Variants in SLC7A6 observed in about 807,000 individuals in gnomAD.
SLC7A6 encodes solute carrier family 7 member 6.
Under a neutral mutation model 46.6 loss-of-function variants are expected in SLC7A6, and 29 were observed. That is an observed-to-expected ratio of 0.62 (90% CI 0.46 to 0.85). The LOEUF (loss-of-function observed/expected upper bound fraction) is 0.85, where lower values mean the gene tolerates loss of function less well. Ranked by LOEUF, SLC7A6 falls within the 40% of genes least tolerant of loss-of-function variation. SLC7A6 has a pLI of 0.00. For synonymous variants in SLC7A6, 276 were observed against 257.3 expected (o/e 1.07, Z -0.70); for missense variants, 527 against 647.6 (o/e 0.81, Z 2.02).
intron 3 of SLC7A6, among the ~76,000 whole-genome samples, chr16:68,278,811 CA>C (rs1271334227): frequency 1.3e-5 from 2 of 152,206 alleles, no homozygotes. Context: ...GGCCCGCTCT[CA>C]ATGAGCTGTT....
intron 7 of SLC7A6, chr16:68,292,260 C>T (rs1597005072): frequency 6.6e-6 from 1 of 152,666 alleles, no homozygotes; most frequent in South Asian, 2.1e-4. Flanking sequence ...CTCCTCTGTG[C>T]AGACATCTAT....
intron 7 of SLC7A6, among the ~76,000 whole-genome samples, chr16:68,294,455 TATCTGGGTGATGGTGGGTGGGGC>T (rs1567595345): frequency 6.6e-6 from 1 of 151,364 alleles, no homozygotes; most frequent in Non-Finnish European, 1.5e-5. Flanking sequence ...GAAGAGGGGG[TATCTGGGTGATGGTGGGTGGGGC>T]ATCTGGGTAG....
At chr16:68,281,593 T>C (rs1307759810) in intron 3 of SLC7A6, among the ~76,000 whole-genome samples, 1 of 152,190 alleles carries the variant, frequency 6.6e-6, no homozygotes, top group Non-Finnish European at 1.5e-5. Flanking sequence ...TCAGTAAGTT[T>C]AGGGGCTCAT....
chr16:68,274,766 C>A lies in SLC7A6; in HGVS notation c.40C>A (p.His14Asn). Residue 14 changes from histidine to asparagine, a missense_variant, in exon 3 of 11, where the codon CAT (histidine) becomes AAT (asparagine). Transcript: ENST00000219343. ...GCCTGGGAGGCCCACACCCACCTAC[C>A]ATCTTGTCCCTAACACCAGCCAGTC... ...REPGRPTPTY[H>N]LVPNTSQSQV... The A allele has an allele frequency of 1.2e-6, 2 of 1,614,232 alleles. No homozygotes were observed. Among genetic ancestry groups the A allele is most frequent in the Middle Eastern group, 1.6e-4 (1 of 6,062 alleles).
intron 2 of SLC7A6, among the ~76,000 whole-genome samples, chr16:68,268,558 C>G (rs888432452): frequency 6.6e-6 from 1 of 152,152 alleles, no homozygotes; most frequent in South Asian, 2.1e-4. Flanking sequence ...CCTTTCATCC[C>G]GTTTTCTGAT....
At chr16:68,273,213 ACT>A (rs2042651304) in intron 2 of SLC7A6, among the ~76,000 whole-genome samples, 1 of 151,088 alleles carries the variant, frequency 6.6e-6, no homozygotes, top group South Asian at 2.1e-4. Flanking sequence ...CTCACTCTTG[ACT>A]CTCTGTGGTT....
intron 2 of SLC7A6, among the ~76,000 whole-genome samples, chr16:68,272,780 G>A (rs1429505259): frequency 6.6e-6 from 1 of 152,146 alleles, no homozygotes; most frequent in Non-Finnish European, 1.5e-5. Flanking sequence ...AGCTGTATTG[G>A]TCACTGGGGT....
rs149941071 is a variant in SLC7A6 at position 68,274,874 on chromosome 16, G to C, written c.148G>C (p.Gly50Arg). 1 of 1,614,102 alleles carries C rather than the reference G, an allele frequency of 6.2e-7. No homozygotes were observed. The highest frequency in any genetic ancestry group is 8.5e-7 in the Non-Finnish European group (1 of 1,180,040). ...QLKKEISLLN[G>R]VSLVVGNMIG... ...GAAGAAGGAGATCTCCCTGCTGAAT[G>C]GGGTCAGCCTGGTGGTGGGCAACAT... Residue 50 changes from glycine to arginine, a missense_variant, in exon 3 of 11, where the codon GGG becomes CGG. Physicochemically the swap from Gly to Arg is moderately radical, Grantham distance 125. Coordinates refer to ENST00000219343, the MANE Select transcript of SLC7A6 (RefSeq NM_003983.6).
intron 1 of SLC7A6, among the ~76,000 whole-genome samples, chr16:68,266,336 T>A (rs2042534318): frequency 6.6e-6 from 1 of 152,170 alleles, no homozygotes; most frequent in Non-Finnish European, 1.5e-5. Flanking sequence ...CTTACATGAT[T>A]TAATGTGACA....
chr16:68,290,464 C>G lies in SLC7A6; in HGVS notation c.718C>G (p.Leu240Val). Residue 240 changes from leucine (L) to valine (V), a missense_variant, in exon 5 of 11, where the codon CTC becomes GTC. By Grantham distance (32) the Leu-to-Val change is conservative. Coordinates refer to ENST00000219343, the MANE Select transcript of SLC7A6 (RefSeq NM_003983.6). The stretch of plus-strand genomic sequence containing the variant: ...GGACATGGGAAACCTCTCTCTTGCC[C>G]TCTACTCTGCCCTCTTCTCTTACTC... ...SWDMGNLSLA[L>V]YSALFSYSGW... 2 of 1,614,158 alleles carry G rather than the reference C, an allele frequency of 1.2e-6. No homozygotes were observed. Among genetic ancestry groups the G allele is most frequent in the Non-Finnish European group, 1.7e-6 (2 of 1,180,032 alleles).
At position 68,297,320 on chromosome 16, in the gene SLC7A6, ACTGACTAGAGGTCAGAGGTGGCTTT is replaced by A; in HGVS notation, c.1545_*21del. On this transcript the variant is annotated stop_lost and 3_prime_UTR_variant, in exon 11 of 11. Coordinates refer to ENST00000219343, the MANE Select transcript of SLC7A6 (RefSeq NM_003983.6). ...CGAAGAAAAAAAGGATGAGAGGAAA[ACTGACTAGAGGTCAGAGGTGGCTTT>A]CTGAGGCCTGGAAGGCAGGCCAACC... 1 of 1,614,098 alleles carries A rather than the reference ACTGACTAGAGGTCAGAGGTGGCTTT, an allele frequency of 6.2e-7. No homozygotes were observed. The highest frequency in any genetic ancestry group is 1.1e-5 in the South Asian group (1 of 91,078).
Position 68,296,369 on chromosome 16 carries a change from C to G in SLC7A6, c.1125C>G (p.Thr375=). 1 of 1,613,980 alleles carries G rather than the reference C, an allele frequency of 6.2e-7. No individual in the cohort carries two copies. Among genetic ancestry groups the G allele is most frequent in the Non-Finnish European group, 8.5e-7 (1 of 1,180,034 alleles). Residue 375 remains threonine, a synonymous_variant, in exon 9 of 11, where the codon ACC becomes ACG. Transcript: ENST00000219343. ...TCCCCACCCCTTTCCCACAGTGCAC[C>G]ATGGCACTCATCTACCTCATCGTGG... ...TPIPALLFNC[T]MALIYLIVED...
rs1461942900 is a variant in SLC7A6, at chr16:68,296,405, C to T, written c.1161C>T (p.Phe387=). 2 of 1,614,046 alleles carry T rather than the reference C, an allele frequency of 1.2e-6. No individual in the cohort carries two copies. Among genetic ancestry groups the T allele is most frequent in the East Asian group, 2.2e-5 (1 of 44,862 alleles). ...TCTACCTCATCGTGGAGGATGTTTT[C>T]CAGCTTATCAACTACTTCAGCTTCA... is the stretch of plus-strand genomic sequence containing the variant. ...ALIYLIVEDV[F]QLINYFSFSY... The change falls in exon 9 of 11, where the codon TTC becomes TTT. Residue 387 remains phenylalanine (F), a synonymous_variant. Coordinates refer to ENST00000219343, the MANE Select transcript of SLC7A6 (RefSeq NM_003983.6).
At position 68,274,784 on chromosome 16, in the gene SLC7A6, A is replaced by G. The variant is rs773590135; in HGVS notation, c.58A>G (p.Ser20Gly). Reference protein sequence around the residue: ...TPTYHLVPNTSQSQVEEDVSS... With the variant: ...TPTYHLVPNTGQSQVEEDVSS... ...CACCTACCATCTTGTCCCTAACACC[A>G]GCCAGTCCCAGGTGGAAGAAGATGT... Residue 20 changes from serine to glycine, a missense_variant, in exon 3 of 11, where the codon AGC (serine) becomes GGC (glycine). Physicochemically the swap from Ser to Gly is moderately conservative, Grantham distance 56. Coordinates refer to ENST00000219343, the MANE Select transcript of SLC7A6 (RefSeq NM_003983.6). 3.7e-6 allele frequency: 6 copies of G among 1,614,212 alleles called. No homozygotes were observed. Among genetic ancestry groups the G allele is most frequent in the Non-Finnish European group, 5.1e-6 (6 of 1,180,026 alleles).
Position 68,274,906 on chromosome 16 carries a change from C to T in SLC7A6, c.180C>T (p.Gly60=). Reference sequence around the variant, plus strand: ...GCCTGGTGGTGGGCAACATGATCGGCTCAGGGATCTTTGTCTCACCCAAGG... The same window carrying T: ...GCCTGGTGGTGGGCAACATGATCGGTTCAGGGATCTTTGTCTCACCCAAGG... ...GVSLVVGNMI[G]SGIFVSPKGV... The change falls in exon 3 of 11, where the codon GGC becomes GGT. Residue 60 remains glycine (G), a synonymous_variant. Transcript: ENST00000219343. 6.2e-7 allele frequency: 1 copy of T among 1,614,204 alleles called. No individual in the cohort carries two copies. The highest frequency in any genetic ancestry group is 8.5e-7 in the Non-Finnish European group (1 of 1,180,048).
chr16:68,296,773 AG>A lies in SLC7A6; in HGVS notation c.1417del (p.Glu473SerfsTer27). Reference protein sequence around the residue: ...PFYFMGVYLPESRRPLFIRNV... With the variant: ...PFYFMGVYLPXSRRPLFIRNV... ...TCTACTTCATGGGTGTTTACCTGCC[AG>A]AGTCCCGGAGGCCATTGTTTATTCG... is the stretch of plus-strand genomic sequence containing the variant. On this transcript the variant is annotated frameshift_variant, in exon 10 of 11. Coordinates refer to ENST00000219343, the MANE Select transcript of SLC7A6 (RefSeq NM_003983.6). LOFTEE classifies it high-confidence loss of function. 1 of 1,614,148 alleles carries A rather than the reference AG, an allele frequency of 6.2e-7. No individual in the cohort carries two copies. Among genetic ancestry groups the A allele is most frequent in the Non-Finnish European group, 8.5e-7 (1 of 1,180,030 alleles).
chr16:68,277,979 G>A (rs1045753639), intron 3 of SLC7A6, among the ~76,000 whole-genome samples: 4 of 150,782 alleles, frequency 2.7e-5, no homozygotes, highest in South Asian at 4.2e-4. Flanking sequence ...TTGCTCTGTC[G>A]CCTAGGCTGG....
At chr16:68,287,134 C>A (rs543791644) in intron 3 of SLC7A6, among the ~76,000 whole-genome samples, 1 of 152,016 alleles carries the variant, frequency 6.6e-6, no homozygotes, top group East Asian at 1.9e-4. Context: ...TGCACCACCA[C>A]GCCCAGCTAA....
intron 2 of SLC7A6, 142 bp from the exon 3 acceptor site, chr16:68,274,549 G>A (rs1327038358): frequency 1.5e-6 from 1 of 661,828 alleles, no homozygotes. Context: ...GTGTTCTATG[G>A]TGGGAACTGA....
Sources: allele counts gnomAD v4.1 joint callset (sites outside exome capture counted in the v4.1 genomes callset), GRCh38; gene constraint gnomAD v4.1.1; transcripts MANE v1.5; gene names NCBI Gene and HGNC (gene_info 2026-07-23, HGNC 2026-07-21).